ELP4: variants seen among roughly 807,000 people sequenced by gnomAD.
ELP4 encodes elongator complex protein 4.
In ELP4, 51 loss-of-function variants were observed where a neutral mutation model predicts 48.9. The ratio of observed to expected loss-of-function variants is 1.04; its 90% CI spans 0.83 to 1.32. ELP4 has a LOEUF of 1.32. ELP4 is among the 40% of genes most tolerant of loss of function. The pLI, the probability that ELP4 is intolerant of heterozygous loss-of-function variation, is 0.00. For synonymous variants in ELP4, 210 were observed against 189.2 expected, an observed-to-expected ratio of 1.11 and a Z score of -0.90; for missense variants, 519 against 514.6, an observed-to-expected ratio of 1.01 and a Z score of -0.08.
At chr11:31,758,670 CTT>C (rs35783140) in intron 9 of ELP4, among the ~76,000 whole-genome samples, 8 of 140,668 alleles carry the variant, frequency 5.7e-5, no homozygotes, top group Admixed American at 7.1e-5. Context: ...GAGGGTGGAA[CTT>C]TTTTTTTTTT....
At chr11:31,694,259 T>C (rs368809406) in intron 9 of ELP4, among the ~76,000 whole-genome samples, 2 of 152,164 alleles carry the variant, frequency 1.3e-5, no homozygotes, top group Non-Finnish European at 2.9e-5. Context: ...CTGAATGGTA[T>C]TGCCTAGGTT....
At chr11:31,594,102 C>A (rs898160556) in intron 3 of ELP4, among the ~76,000 whole-genome samples, 22 of 152,008 alleles carry the variant, frequency 1.4e-4, no homozygotes, top group African/African-American at 5.3e-4. Flanking sequence ...ATACAGTTTT[C>A]TTTGAATTCT....
chr11:31,731,567 G>GGTGTGTGTGT (rs148076836), intron 9 of ELP4, among the ~76,000 whole-genome samples: 24,991 of 142,612 alleles, frequency 0.18, 2,381 homozygotes, highest in Non-Finnish European at 0.22. Context: ...CCATTAAGCA[G>GGTGTGTGTGT]GTGTGTGTGT....
At chr11:31,552,605 C>G (rs192656283) in intron 3 of ELP4, among the ~76,000 whole-genome samples, 44 of 152,262 alleles carry the variant, frequency 2.9e-4, no homozygotes, top group African/African-American at 1.1e-3. Context: ...CTCCTATACT[C>G]TCCTTCAATA....
intron 5 of ELP4, among the ~76,000 whole-genome samples, chr11:31,623,459 A>G (rs1162480692): frequency 6.9e-6 from 1 of 145,944 alleles, no homozygotes; most frequent in Non-Finnish European, 1.5e-5. Context: ...TATCAATATC[A>G]TGTAAATGAT....
In ELP4 at chr11:31,536,082, A is replaced by C. The variant is rs147126744; in HGVS notation, c.260-3580A>C. 6.6e-5 allele frequency among the ~76,000 whole-genome samples: 10 copies of C among 152,242 alleles called. No homozygotes were observed. The East Asian group carries it at 1.5e-3, about 24-fold the overall frequency. ...CTGTGGATACCAAGAAACTACTGCA[A>C]ATTAGTAGTTTATTTCTTTTTATTG... On this transcript the variant is annotated intron_variant, in intron 2 of 9. Coordinates refer to ENST00000640961, the MANE Select transcript of ELP4 (RefSeq NM_019040.5).
intron 9 of ELP4, chr11:31,779,831 A>G (rs1174090818): frequency 6.6e-6 from 1 of 152,240 alleles, no homozygotes; most frequent in East Asian, 1.9e-4. Context: ...CAAGGCATTA[A>G]TGGAAAAAGT....
In ELP4 at chr11:31,786,634, G is replaced by T; in HGVS notation, c.*3110G>T. The T allele has an allele frequency of 4.4e-6, 1 of 225,316 alleles. No homozygotes were observed. Among genetic ancestry groups the T allele is most frequent in the Non-Finnish European group, 8.8e-6 (1 of 113,208 alleles). 14.0% of individuals were successfully genotyped at this position (225,316 alleles called of 1,614,324 possible). A position where few individuals can be genotyped will look rare whatever the true frequency, so the allele number is the denominator to read the frequency against. ...CCTAAGATGACATTCACAGAACAAA[G>T]CTGAATCTTCAAATAATACTGTATG... On this transcript the variant is annotated 3_prime_UTR_variant, in exon 10 of 10. Transcript: ENST00000640961.
chr11:31,549,774 T>A (rs1225149872), intron 3 of ELP4, among the ~76,000 whole-genome samples: 2 of 152,220 alleles, frequency 1.3e-5, no homozygotes, highest in African/African-American at 4.8e-5. Flanking sequence ...TAAGAAAATG[T>A]GGCACATATA....
At chr11:31,751,497 AT>A (rs1200226544) in intron 9 of ELP4, among the ~76,000 whole-genome samples, 3 of 152,320 alleles carry the variant, frequency 2.0e-5, no homozygotes. Flanking sequence ...GGGTGAAAAA[AT>A]GGCTTCATCC....
chr11:31,754,493 G>A (rs755494368), intron 9 of ELP4, among the ~76,000 whole-genome samples: 31 of 151,930 alleles, frequency 2.0e-4, no homozygotes, highest in Non-Finnish European at 4.0e-4. Flanking sequence ...AGTATTCCTT[G>A]CATTGTTCCC....
chr11:31,625,103 TTTA>T (rs1203281718), intron 5 of ELP4, among the ~76,000 whole-genome samples: 1 of 151,628 alleles, frequency 6.6e-6, no homozygotes, highest in Non-Finnish European at 1.5e-5. Context: ...AAAGTAATCA[TTTA>T]TTATTATTAT....
At chr11:31,543,391 C>G (rs1299965145) in intron 3 of ELP4, among the ~76,000 whole-genome samples, 1 of 152,056 alleles carries the variant, frequency 6.6e-6, no homozygotes, top group African/African-American at 2.4e-5. Context: ...GTGATCTTGG[C>G]CCACTGCAAG....
At chr11:31,609,918 A>G (rs931059235) in intron 5 of ELP4, among the ~76,000 whole-genome samples, 4 of 152,054 alleles carry the variant, frequency 2.6e-5, no homozygotes, top group Non-Finnish European at 5.9e-5. Flanking sequence ...GTGGTGGCAC[A>G]TGCTGTAATC....
At chr11:31,562,259 T>C (rs1402262982) in intron 3 of ELP4, among the ~76,000 whole-genome samples, 1 of 152,250 alleles carries the variant, frequency 6.6e-6, no homozygotes, top group African/African-American at 2.4e-5. Context: ...ATGATTTGTG[T>C]TTAAATGAAG....
intron 9 of ELP4, among the ~76,000 whole-genome samples, chr11:31,730,375 A>C (rs545317047): frequency 6.6e-6 from 1 of 152,250 alleles, no homozygotes; most frequent in East Asian, 1.9e-4. Context: ...TTCAACCTCA[A>C]ATTCCATTCA....
intron 3 of ELP4, among the ~76,000 whole-genome samples, chr11:31,569,852 A>T (rs911997331): frequency 6.6e-6 from 1 of 152,218 alleles, no homozygotes; most frequent in African/African-American, 2.4e-5. Context: ...GGCTTTTGTT[A>T]AAAAGTCAAT....
chr11:31,572,768 G>A (rs964710899), intron 3 of ELP4, among the ~76,000 whole-genome samples: 7 of 152,226 alleles, frequency 4.6e-5, no homozygotes, highest in Non-Finnish European at 1.0e-4. Flanking sequence ...GGGAGGCCAA[G>A]GCAGGAGGAT....
chr11:31,755,845 A>G (rs1257629611), intron 9 of ELP4, among the ~76,000 whole-genome samples: 1 of 151,896 alleles, frequency 6.6e-6, no homozygotes, highest in Non-Finnish European at 1.5e-5. Flanking sequence ...TCATCCATCC[A>G]TCTTTGATAC....
Sources: allele counts gnomAD v4.1 joint callset (sites outside exome capture counted in the v4.1 genomes callset), GRCh38; gene constraint gnomAD v4.1.1; transcripts MANE v1.5; gene names NCBI Gene and HGNC (gene_info 2026-07-23, HGNC 2026-07-21).